BMPER: variants seen among roughly 807,000 people sequenced by gnomAD.
BMPER encodes the protein BMP-binding endothelial regulator protein.
BMPER carries 45 observed loss-of-function variants against 87.3 expected under a neutral mutation model. The ratio of observed to expected loss-of-function variants is 0.52; its 90% confidence interval spans 0.41 to 0.66. BMPER has a LOEUF of 0.66. Ranked by LOEUF, BMPER falls within the 30% of genes least tolerant of loss-of-function variation. BMPER has a pLI of 0.00. For missense variants in BMPER, 784 were observed against 867.5 expected (o/e 0.90, Z 1.21); for synonymous variants, 326 against 316.2 (o/e 1.03, Z -0.33).
At chr7:33,968,764 T>G (rs1785466137) in intron 4 of BMPER, among the ~76,000 whole-genome samples, 1 of 152,202 alleles carries the variant, frequency 6.6e-6, no homozygotes, top group Non-Finnish European at 1.5e-5. Flanking sequence ...TCTACCTGTT[T>G]CTTATATCTT....
chr7:34,073,879 C>G (rs968316073), intron 11 of BMPER, among the ~76,000 whole-genome samples: 1 of 152,138 alleles, frequency 6.6e-6, no homozygotes, highest in African/African-American at 2.4e-5. Flanking sequence ...GGCATTGGGC[C>G]GGGAGCTGAA....
chr7:34,057,016 G>C (rs978641646), intron 9 of BMPER, among the ~76,000 whole-genome samples: 1 of 152,152 alleles, frequency 6.6e-6, no homozygotes, highest in African/African-American at 2.4e-5. Context: ...TGTACTCAGA[G>C]AACTTGGAAC....
intron 2 of BMPER, among the ~76,000 whole-genome samples, chr7:33,912,857 G>T (rs1409506426): frequency 6.6e-6 from 1 of 152,108 alleles, no homozygotes; most frequent in Non-Finnish European, 1.5e-5. Context: ...AAGGCACTAG[G>T]GATAGCAGGT....
chr7:33,927,584 G>C (rs745779543), intron 2 of BMPER, among the ~76,000 whole-genome samples: 19 of 152,308 alleles, frequency 1.2e-4, no homozygotes, highest in South Asian at 4.1e-4. Flanking sequence ...GAAAGGGGCT[G>C]TCAAAATAAT....
In BMPER at chr7:33,990,191, G is replaced by A. The variant is rs1161290375; in HGVS notation, c.576+15407G>A. On this transcript the variant is annotated intron_variant, in intron 6 of 14. Coordinates refer to ENST00000649409, the MANE Select transcript of BMPER (RefSeq NM_001365308.1). ...GCTTGATGGGGATGGCATTGAATCT[G>A]TAAATTACCTTGGGCAGTATGGCCA... Among the ~76,000 whole-genome samples, 5 of 149,960 alleles carry A rather than the reference G, an allele frequency of 3.3e-5. No individual in the cohort carries two copies. The Middle Eastern group carries it at 0.01, about 306-fold the overall frequency.
At chr7:34,043,625 G>A (rs977872109) in intron 6 of BMPER, among the ~76,000 whole-genome samples, 7 of 152,124 alleles carry the variant, frequency 4.6e-5, no homozygotes, top group Non-Finnish European at 8.8e-5. Flanking sequence ...CTTAGCAGGG[G>A]TGGGGCATGC....
intron 4 of BMPER, among the ~76,000 whole-genome samples, chr7:33,969,460 C>T (rs937808045): frequency 3.3e-5 from 5 of 152,138 alleles, no homozygotes; most frequent in East Asian, 3.9e-4. Context: ...AGTGCAGTGG[C>T]GCAATCTCTG....
chr7:34,009,186 T>A (rs1210105613), intron 6 of BMPER, among the ~76,000 whole-genome samples: 2 of 151,880 alleles, frequency 1.3e-5, no homozygotes, highest in Non-Finnish European at 2.9e-5. Context: ...ACTACAACCA[T>A]GTGCCACCAA....
intron 6 of BMPER, among the ~76,000 whole-genome samples, chr7:34,026,539 A>G (rs563595777): frequency 3.4e-4 from 51 of 152,094 alleles, no homozygotes; most frequent in Non-Finnish European, 5.7e-4. Context: ...AACAATGACC[A>G]TCTTCTGAGG....
intron 13 of BMPER, among the ~76,000 whole-genome samples, chr7:34,110,328 A>G (rs950112550): frequency 6.6e-6 from 1 of 152,118 alleles, no homozygotes; most frequent in Non-Finnish European, 1.5e-5. Flanking sequence ...CCACCTGCTC[A>G]GTGTCTGTAT....
At chr7:34,085,625 A>T (rs866778580) in intron 12 of BMPER, 131 bp from the exon 13 acceptor site, 2 of 869,446 alleles carry the variant, frequency 2.3e-6, no homozygotes, top group Middle Eastern at 2.3e-4. Flanking sequence ...GTAACCAAGA[A>T]TTTGGACCAA....
rs950845293 is a variant in BMPER, at chr7:33,998,404, A to G, written c.576+23620A>G. 2.0e-5 allele frequency among the ~76,000 whole-genome samples: 3 copies of G among 152,178 alleles called. No homozygotes were observed. The East Asian group carries it at 5.8e-4, about 29-fold the overall frequency. ...GGTGGGAATCTGGTCATTGCCCTCA[A>G]ACACCAGTACTGTTTGCTTTTAAAT... is the stretch of plus-strand genomic sequence containing the variant. On this transcript the variant is annotated intron_variant, in intron 6 of 14. Coordinates refer to ENST00000649409, the MANE Select transcript of BMPER (RefSeq NM_001365308.1).
At chr7:34,068,970 G>A (rs188161373) in intron 11 of BMPER, among the ~76,000 whole-genome samples, 2 of 152,214 alleles carry the variant, frequency 1.3e-5, no homozygotes, top group East Asian at 1.9e-4. Context: ...ATTTTTGCTT[G>A]GGAAAGCTAT....
intron 13 of BMPER, among the ~76,000 whole-genome samples, chr7:34,131,384 G>A (rs1023477688): frequency 2.6e-5 from 4 of 152,154 alleles, no homozygotes; most frequent in East Asian, 3.9e-4. Flanking sequence ...CAAAAGGCAC[G>A]GCAGATGCTT....
chr7:33,943,804 C>T (rs1372577392), intron 3 of BMPER, among the ~76,000 whole-genome samples: 1 of 152,162 alleles, frequency 6.6e-6, no homozygotes, highest in Non-Finnish European at 1.5e-5. Flanking sequence ...CTTCACACTG[C>T]AACATTCACA....
chr7:34,083,813 C>G (rs151161859), intron 12 of BMPER, among the ~76,000 whole-genome samples: 3 of 152,100 alleles, frequency 2.0e-5, no homozygotes, highest in Admixed American at 2.0e-4. Context: ...CCCTCCCACA[C>G]TCCCTCCCAC....
chr7:33,945,543 T>C (rs1784872854), intron 3 of BMPER, among the ~76,000 whole-genome samples: 1 of 152,100 alleles, frequency 6.6e-6, no homozygotes. Flanking sequence ...TAAGCCACCG[T>C]CCCTGGCCAG....
chr7:34,050,902 G>C (rs551446402), intron 7 of BMPER, among the ~76,000 whole-genome samples: 1 of 152,120 alleles, frequency 6.6e-6, no homozygotes, highest in Non-Finnish European at 1.5e-5. Context: ...GTACCTCTGC[G>C]TGCCCTTTGA....
At chr7:34,074,298 C>T (rs2127971712) in intron 11 of BMPER, among the ~76,000 whole-genome samples, 1 of 152,324 alleles carries the variant, frequency 6.6e-6, no homozygotes, top group East Asian at 1.9e-4. Context: ...AGGAAGGCAC[C>T]CAGGTGCCAC....
Sources: gnomAD v4.1 joint callset for allele counts (sites outside exome capture counted in the v4.1 genomes callset) on GRCh38, gnomAD v4.1.1 for gene constraint, MANE v1.5 for transcripts, NCBI Gene and HGNC (gene_info 2026-07-23, HGNC 2026-07-21) for gene names.